BMPR1B: variants seen among roughly 807,000 people sequenced by gnomAD.
The protein encoded by BMPR1B is bone morphogenetic protein receptor type 1B, also known as bone morphogenetic protein receptor type-1B.
A neutral mutation model predicts 59.1 loss-of-function variants in BMPR1B; 12 were observed. The observed-to-expected ratio is 0.20, with a 90% confidence interval of 0.13 to 0.33. BMPR1B has a LOEUF of 0.33. Among genes scored for constraint, BMPR1B ranks in the 10% least tolerant of loss-of-function variants. The pLI is 1.00. For synonymous variants in BMPR1B, 237 were observed against 207.3 expected, an observed-to-expected ratio of 1.14 and a Z score of -1.23; for missense variants, 550 against 610.9, an observed-to-expected ratio of 0.90 and a Z score of 1.05.
chr4:94,843,052 T>A (rs188588001), intron 1 of BMPR1B, among the ~76,000 whole-genome samples: 1 of 152,288 alleles, frequency 6.6e-6, no homozygotes, highest in African/African-American at 2.4e-5. Context: ...CAGGCACTGT[T>A]TTAATGTTTA....
intron 3 of BMPR1B, among the ~76,000 whole-genome samples, chr4:95,097,118 TTATA>T (rs1248912619): frequency 1.8e-5 from 2 of 113,256 alleles, no homozygotes; most frequent in Non-Finnish European, 3.6e-5. Flanking sequence ...AAACTATAAT[TTATA>T]TATTAATTTA....
chr4:95,060,260 A>G (rs1377881208), intron 3 of BMPR1B, among the ~76,000 whole-genome samples: 1 of 152,072 alleles, frequency 6.6e-6, no homozygotes, highest in African/African-American at 2.4e-5. Flanking sequence ...AAGATAATAA[A>G]GTTCAGTTTA....
chr4:94,787,706 C>A (rs534516595), intron 1 of BMPR1B, among the ~76,000 whole-genome samples: 1 of 152,162 alleles, frequency 6.6e-6, no homozygotes, highest in South Asian at 2.1e-4. Flanking sequence ...TTAAATAAAT[C>A]TGTATGCTTT....
chr4:95,065,962 A>C (rs1313358728), intron 3 of BMPR1B, among the ~76,000 whole-genome samples: 1 of 152,210 alleles, frequency 6.6e-6, no homozygotes, highest in Non-Finnish European at 1.5e-5. Flanking sequence ...AAATCAGATT[A>C]CTTTTCTTTT....
intron 3 of BMPR1B, among the ~76,000 whole-genome samples, chr4:95,056,816 T>A (rs1579003389): frequency 6.6e-6 from 1 of 152,242 alleles, no homozygotes; most frequent in African/African-American, 2.4e-5. Context: ...AAGACAAAAA[T>A]GATCCAACCT....
chr4:95,029,756 C>G (rs62316238), intron 3 of BMPR1B, among the ~76,000 whole-genome samples: 41,823 of 151,964 alleles, frequency 0.28, 6,508 homozygotes, highest in South Asian at 0.43. Context: ...TCCTATTTCT[C>G]CACATCCTCT....
chr4:95,051,316 G>A (rs1047838833), intron 3 of BMPR1B, among the ~76,000 whole-genome samples: 14 of 152,186 alleles, frequency 9.2e-5, no homozygotes, highest in African/African-American at 3.1e-4. Context: ...TGACAGCAGC[G>A]TTTTAAATGA....
chr4:94,759,959 GC>G (rs1240990586), intron 1 of BMPR1B, among the ~76,000 whole-genome samples: 2 of 152,096 alleles, frequency 1.3e-5, no homozygotes, highest in African/African-American at 4.8e-5. Flanking sequence ...GCAAAATATG[GC>G]CTAGAGCTAC....
chr4:95,053,281 T>TTGTG (rs60404669), intron 3 of BMPR1B, among the ~76,000 whole-genome samples: 13,359 of 134,114 alleles, frequency 0.1, 782 homozygotes, highest in East Asian at 0.23. Flanking sequence ...TGCAGGGCAC[T>TTGTG]TGTGTGTGTG....
intron 1 of BMPR1B, among the ~76,000 whole-genome samples, chr4:94,785,369 TC>T (rs572239982): frequency 1.3e-4 from 20 of 152,368 alleles, no homozygotes; most frequent in Non-Finnish European, 2.6e-4. Context: ...ATTGCTTCCC[TC>T]TTTGAAGGCT....
chr4:94,996,169 C>T (rs139030833), intron 3 of BMPR1B, 35 bp downstream of exon 3: 36 of 152,204 alleles, frequency 2.4e-4, no homozygotes, highest in African/African-American at 8.4e-4. Context: ...CGCTGTTACT[C>T]GTAAACTCTC....
intron 1 of BMPR1B, among the ~76,000 whole-genome samples, chr4:94,795,970 C>CTT (rs34107733): frequency 0.048 from 7,018 of 146,452 alleles, 341 homozygotes; most frequent in African/African-American, 0.12. Flanking sequence ...CTTTTTTTAA[C>CTT]TTTTTTTTTT....
intron 1 of BMPR1B, among the ~76,000 whole-genome samples, chr4:94,841,015 C>CCTGG (rs1725041856): frequency 6.8e-6 from 1 of 147,126 alleles, no homozygotes; most frequent in Non-Finnish European, 1.5e-5. Context: ...TGTTGGAGTA[C>CCTGG]CCTGCCGTGT....
chr4:94,998,005 TAAG>T (rs1179299316), intron 3 of BMPR1B, among the ~76,000 whole-genome samples: 24 of 152,238 alleles, frequency 1.6e-4, no homozygotes, highest in African/African-American at 4.3e-4. Context: ...AGAACTACAA[TAAG>T]AAGAAACTAA....
chr4:94,825,847 T>G (rs1578686520), intron 1 of BMPR1B, among the ~76,000 whole-genome samples: 1 of 152,166 alleles, frequency 6.6e-6, no homozygotes, highest in East Asian at 1.9e-4. Flanking sequence ...AAAACAAATT[T>G]TATAAGTACA....
At chr4:95,031,097 A>G (rs1724811586) in intron 3 of BMPR1B, among the ~76,000 whole-genome samples, 1 of 152,156 alleles carries the variant, frequency 6.6e-6, no homozygotes, top group Non-Finnish European at 1.5e-5. Flanking sequence ...AGCTGGAGGC[A>G]TCACACTACC....
chr4:94,841,413 G>T (rs902980696), intron 1 of BMPR1B, among the ~76,000 whole-genome samples: 1 of 151,894 alleles, frequency 6.6e-6, no homozygotes, highest in African/African-American at 2.4e-5. Context: ...CAATCAGGGA[G>T]ACTCCATGGG....
At chr4:94,968,906 C>G (rs961695129) in intron 2 of BMPR1B, among the ~76,000 whole-genome samples, 6 of 152,192 alleles carry the variant, frequency 3.9e-5, no homozygotes, top group African/African-American at 1.2e-4. Flanking sequence ...GGATCCAACT[C>G]TACCCTGTTT....
intron 2 of BMPR1B, among the ~76,000 whole-genome samples, chr4:94,884,091 C>T (rs739730): frequency 2.0e-5 from 3 of 151,978 alleles, no homozygotes; most frequent in South Asian, 4.1e-4. Flanking sequence ...GCCAATCTAA[C>T]GTCCCCCTTG....
Sources: gnomAD v4.1 joint callset for allele counts (sites outside exome capture counted in the v4.1 genomes callset) on GRCh38, gnomAD v4.1.1 for gene constraint, MANE v1.5 for transcripts, NCBI Gene and HGNC (gene_info 2026-07-23, HGNC 2026-07-21) for gene names.